FAAH2: variants seen among roughly 807,000 people sequenced by gnomAD.
The protein encoded by FAAH2 is fatty-acid amide hydrolase 2.
FAAH2 carries 60 observed loss-of-function variants against 36.9 expected under a neutral mutation model. The ratio of observed to expected loss-of-function variants is 1.63; its 90% CI spans 1.32 to 2.02. The LOEUF (loss-of-function observed/expected upper bound fraction) is 2.02, where lower values mean the gene tolerates loss of function less well. Among genes scored for constraint, FAAH2 ranks in the 30% most tolerant of loss-of-function variants. The pLI, the probability that FAAH2 is intolerant of heterozygous loss-of-function variation, is 0.00. For missense variants in FAAH2, 689 were observed against 397.5 expected (o/e 1.73, Z -6.23); for synonymous variants, 214 against 143.8 (o/e 1.49, Z -3.49).
intron 10 of FAAH2, among the ~76,000 whole-genome samples, chrX:57,470,881 A>T (rs1176122465): frequency 9.0e-6 from 1 of 111,576 alleles, no homozygotes; most frequent in Non-Finnish European, 1.9e-5. Flanking sequence ...GCAGCACATA[A>T]AAAAGCTTAT....
chrX:57,233,458 G>C, the FAAH2 span, among the ~76,000 whole-genome samples: 1 of 110,818 alleles, frequency 9.0e-6, no homozygotes, highest in African/African-American at 3.3e-5. Context: ...GTGACAAATT[G>C]CAACATTGTA....
At chrX:57,308,956 G>A (rs964551979) in intron 2 of FAAH2, among the ~76,000 whole-genome samples, 2 of 111,882 alleles carry the variant, frequency 1.8e-5, no homozygotes, top group African/African-American at 6.5e-5. Flanking sequence ...TAAAAGCATA[G>A]ACATTATCAT....
intron 6 of FAAH2, among the ~76,000 whole-genome samples, chrX:57,379,208 G>A (rs1396528212): frequency 1.8e-5 from 2 of 110,990 alleles, no homozygotes; most frequent in Non-Finnish European, 3.8e-5. Context: ...TTCTGTAGCA[G>A]TCATTTCAAA....
the FAAH2 span, among the ~76,000 whole-genome samples, chrX:57,244,974 T>C: frequency 2.7e-5 from 3 of 111,027 alleles, no homozygotes; most frequent in African/African-American, 9.8e-5. Context: ...TGTGCTGTAT[T>C]CAGGAGACCC....
chrX:57,394,904 C>T, intron 7 of FAAH2: 1 of 739,524 alleles, frequency 1.4e-6, no homozygotes. Flanking sequence ...TTTACTGCAC[C>T]CAACCACCAC....
chrX:57,214,640 G>A, the FAAH2 span, among the ~76,000 whole-genome samples: 4 of 111,148 alleles, frequency 3.6e-5, no homozygotes, highest in South Asian at 1.5e-3. Flanking sequence ...TGTTAGCCAG[G>A]CCAGTCTCAA....
chrX:57,147,680 T>A, the FAAH2 span, among the ~76,000 whole-genome samples: 1 of 112,080 alleles, frequency 8.9e-6, no homozygotes, highest in African/African-American at 3.2e-5. Context: ...TCTTTCACAC[T>A]TTTTGACGTA....
At chrX:57,204,704 C>G in the FAAH2 span, among the ~76,000 whole-genome samples, 4 of 112,412 alleles carry the variant, frequency 3.6e-5, no homozygotes, top group Non-Finnish European at 7.5e-5. Context: ...AGATGCTGTT[C>G]AACTGCTAAT....
intron 10 of FAAH2, among the ~76,000 whole-genome samples, chrX:57,473,764 G>T (rs6612813): frequency 0.53 from 58,353 of 110,129 alleles, 13,733 homozygotes; most frequent in Non-Finnish European, 0.73. Flanking sequence ...AATATATAAT[G>T]ACCTTATTTA....
chrX:57,244,382 G>A, the FAAH2 span, among the ~76,000 whole-genome samples: 1 of 110,810 alleles, frequency 9.0e-6, no homozygotes, highest in Non-Finnish European at 1.9e-5. Context: ...TTCAAATTCA[G>A]GAAATGCAGA....
At chrX:57,181,233 GGCCAGAGCAA>G in the FAAH2 span, among the ~76,000 whole-genome samples, 1 of 110,131 alleles carries the variant, frequency 9.1e-6, no homozygotes, top group East Asian at 2.9e-4. Context: ...TGGAAGTCCT[GGCCAGAGCAA>G]TCAGGCAAGA....
At chrX:57,382,143 A>G (rs1175991796) in intron 7 of FAAH2, among the ~76,000 whole-genome samples, 4 of 111,857 alleles carry the variant, frequency 3.6e-5, no homozygotes, top group Non-Finnish European at 5.6e-5. Flanking sequence ...CAAAGACACA[A>G]CATACCAGAA....
chrX:57,369,018 G>T (rs997238958), intron 5 of FAAH2, among the ~76,000 whole-genome samples: 3 of 108,437 alleles, frequency 2.8e-5, no homozygotes, highest in African/African-American at 1.0e-4. Context: ...TGATCAAAGA[G>T]ATACATATAA....
chrX:57,151,258 G>A, the FAAH2 span, among the ~76,000 whole-genome samples: 3 of 111,277 alleles, frequency 2.7e-5, no homozygotes, highest in Admixed American at 1.9e-4. Flanking sequence ...CTCTTCTCAA[G>A]GAGTATCTTT....
At chrX:57,235,066 G>A in the FAAH2 span, among the ~76,000 whole-genome samples, 2 of 110,905 alleles carry the variant, frequency 1.8e-5, no homozygotes, top group Admixed American at 9.6e-5. Context: ...GGCCCTTGCT[G>A]TATAGGATGT....
At chrX:57,422,793 T>C (rs1008055521) in intron 7 of FAAH2, among the ~76,000 whole-genome samples, 6 of 112,142 alleles carry the variant, frequency 5.4e-5, no homozygotes, top group Admixed American at 9.4e-5. Context: ...TTAGAGGCTT[T>C]GTTATCACAC....
the FAAH2 span, among the ~76,000 whole-genome samples, chrX:57,181,128 T>A: frequency 9.9e-5 from 11 of 111,396 alleles, no homozygotes; most frequent in South Asian, 3.7e-3. Flanking sequence ...GGAACATACC[T>A]CAAAATAATG....
rs765701599 is a variant in FAAH2, at chrX:57,323,426, T to C, written c.413-8172T>C. ...ATCACCACACGGACTTCCACAAAGG[T>C]TGAACTAGTTTACAGTCCCACCAAC... On this transcript the variant is annotated intron_variant, in intron 3 of 10. Coordinates refer to ENST00000374900, the MANE Select transcript of FAAH2 (RefSeq NM_174912.4). Among the ~76,000 whole-genome samples, 84 of 111,825 alleles carry C rather than the reference T, an allele frequency of 7.5e-4. 2 individuals carry two copies. Among genetic ancestry groups the C allele is most frequent in the African/African-American group, 2.6e-3 (81 of 30,806 alleles).
chrX:57,325,396 A>G (rs889865876), intron 3 of FAAH2, among the ~76,000 whole-genome samples: 1 of 111,694 alleles, frequency 9.0e-6, no homozygotes, highest in African/African-American at 3.3e-5. Flanking sequence ...ATTGATTGGA[A>G]TAGTTTCAGA....
Sources: gnomAD v4.1 joint callset for allele counts (sites outside exome capture counted in the v4.1 genomes callset) on GRCh38, gnomAD v4.1.1 for gene constraint, MANE v1.5 for transcripts, NCBI Gene and HGNC (gene_info 2026-07-23, HGNC 2026-07-21) for gene names.